CCDC18: variants seen among roughly 807,000 people sequenced by gnomAD.
CCDC18 encodes coiled-coil domain-containing protein 18.
CCDC18 carries 157 observed loss-of-function variants against 196.0 expected under a neutral mutation model. The ratio of observed to expected loss-of-function variants is 0.80; its 90% CI spans 0.70 to 0.91. The LOEUF (loss-of-function observed/expected upper bound fraction) is 0.91. Ranked by LOEUF, CCDC18 falls within the 40% of genes least tolerant of loss-of-function variation. CCDC18 has a pLI of 0.00. For synonymous variants in CCDC18, 482 were observed against 529.2 expected, an observed-to-expected ratio of 0.91 and a Z score of 1.22; for missense variants, 1,465 against 1,611.6, an observed-to-expected ratio of 0.91 and a Z score of 1.56.
chr1:93,214,659 T>C, intron 11 of CCDC18, 84 bp from the exon 12 acceptor site: 1 of 921,440 alleles, frequency 1.1e-6, no homozygotes, highest in Non-Finnish European at 1.7e-6. Flanking sequence ...CTAAACTTTG[T>C]TTATGACTAA....
At chr1:93,274,968 A>G (rs1163684211) in intron 28 of CCDC18, among the ~76,000 whole-genome samples, 3 of 152,184 alleles carry the variant, frequency 2.0e-5, no homozygotes, top group East Asian at 3.8e-4. Flanking sequence ...ACCACTGTCA[A>G]TACTCATAAC....
chr1:93,260,199 C>T (rs143256423), intron 26 of CCDC18, among the ~76,000 whole-genome samples: 3,776 of 152,220 alleles, frequency 0.025, 129 homozygotes, highest in African/African-American at 0.081. Flanking sequence ...GCCTGACCAA[C>T]ATGGCAAAAC....
intron 28 of CCDC18, among the ~76,000 whole-genome samples, chr1:93,272,763 G>A (rs1665384778): frequency 6.6e-6 from 1 of 152,204 alleles, no homozygotes; most frequent in Non-Finnish European, 1.5e-5. Context: ...AGAGAAATGA[G>A]GGAGATGTGA....
chr1:93,271,061 T>C, intron 28 of CCDC18: 1 of 983,454 alleles, frequency 1.0e-6, no homozygotes, highest in South Asian at 4.7e-5. Flanking sequence ...AATAGGAAGA[T>C]AGACATGAAA....
In CCDC18 at chr1:93,270,578, G is replaced by A. The variant is rs761981245; in HGVS notation, c.4117G>A (p.Glu1373Lys). The change falls in exon 28 of 29, where the codon GAA (glutamate) becomes AAA (lysine). Residue 1373 changes from glutamate to lysine, a missense_variant. By Grantham distance (56) the Glu-to-Lys change is moderately conservative. Transcript: ENST00000690025. Reference sequence around the variant, plus strand: ...TCATGGTGATGAAGATCTTTCTGAAGAATTACTACAGGACTTAAAGAAAAT... The same window carrying A: ...TCATGGTGATGAAGATCTTTCTGAAAAATTACTACAGGACTTAAAGAAAAT... ...KIHGDEDLSE[E>K]LLQDLKKMQL... 1.9e-6 allele frequency: 3 copies of A among 1,550,276 alleles called. No individual in the cohort carries two copies. The highest frequency in any genetic ancestry group is 1.4e-5 in the African/African-American group (1 of 73,030).
chr1:93,197,421 C>A (rs920773353), intron 6 of CCDC18, among the ~76,000 whole-genome samples: 1 of 151,962 alleles, frequency 6.6e-6, no homozygotes, highest in East Asian at 1.9e-4. Flanking sequence ...AAAGATGATA[C>A]ATTTGAAAAC....
intron 17 of CCDC18, 118 bp from the exon 18 acceptor site, chr1:93,232,308 G>A: frequency 1.6e-6 from 1 of 614,586 alleles, no homozygotes; most frequent in Non-Finnish European, 2.9e-6. Flanking sequence ...AGACATGAAT[G>A]CAATTGTCCC....
At chr1:93,258,664 C>A in intron 25 of CCDC18, 84 bp from the exon 26 acceptor site, 1 of 1,093,472 alleles carries the variant, frequency 9.1e-7, no homozygotes, top group Non-Finnish European at 1.2e-6. Context: ...AATTAAACTA[C>A]TTCCAATAAT....
chr1:93,251,220 A>T (rs982595168), intron 23 of CCDC18, among the ~76,000 whole-genome samples: 5 of 152,234 alleles, frequency 3.3e-5, no homozygotes, highest in African/African-American at 1.2e-4. Context: ...AAAAAAAAGT[A>T]AAAACTTGTA....
chr1:93,219,098 A>C (rs1456892428), intron 14 of CCDC18, among the ~76,000 whole-genome samples: 2 of 152,136 alleles, frequency 1.3e-5, no homozygotes, highest in Non-Finnish European at 2.9e-5. Context: ...ATATATACTC[A>C]ATATTTTCTG....
At chr1:93,189,585 C>T (rs973403532) in intron 4 of CCDC18, among the ~76,000 whole-genome samples, 1 of 152,200 alleles carries the variant, frequency 6.6e-6, no homozygotes, top group East Asian at 1.9e-4. Context: ...TCCATTCCCA[C>T]CAACAGCGTA....
chr1:93,251,755 T>C (rs1456520341), intron 23 of CCDC18, among the ~76,000 whole-genome samples: 1 of 152,134 alleles, frequency 6.6e-6, no homozygotes, highest in Non-Finnish European at 1.5e-5. Context: ...CTTAGGGTGT[T>C]ATTATTTGGG....
chr1:93,254,491 A>G lies in CCDC18; in HGVS notation c.3219A>G (p.Lys1073=). Residue 1073 remains lysine (K), a synonymous_variant, in exon 24 of 29, where the codon AAA becomes AAG. Transcript: ENST00000690025. Reference sequence around the variant, plus strand: ...TTCAGATAGAAAGTCTGAATGACAAATTACAAAATGCTAAAGAACAGCTTC... The same window carrying G: ...TTCAGATAGAAAGTCTGAATGACAAGTTACAAAATGCTAAAGAACAGCTTC... ...CNKQIESLND[K]LQNAKEQLRE... 3 of 1,587,546 alleles carry G rather than the reference A, an allele frequency of 1.9e-6. No individual in the cohort carries two copies. Among genetic ancestry groups the G allele is most frequent in the Non-Finnish European group, 1.7e-6 (2 of 1,165,170 alleles).
chr1:93,191,607 T>G lies in CCDC18; in HGVS notation c.463-393T>G, dbSNP rs1250096985. Reference sequence around the variant, plus strand: ...TTTTCTGTATTTAGATTCTTCCTAGTAAGCATGTATTCTATAATTAGGTTT... The same window carrying G: ...TTTTCTGTATTTAGATTCTTCCTAGGAAGCATGTATTCTATAATTAGGTTT... On this transcript the variant is annotated intron_variant, in intron 4 of 28. Transcript: ENST00000690025. 3.5e-4 allele frequency among the ~76,000 whole-genome samples: 54 copies of G among 152,230 alleles called. 1 individual carries two copies. The highest frequency in any genetic ancestry group is 1.6e-4 in the Non-Finnish European group (11 of 68,028).
chr1:93,235,794 G>A (rs1252301365), intron 18 of CCDC18, among the ~76,000 whole-genome samples: 2 of 152,034 alleles, frequency 1.3e-5, no homozygotes, highest in Non-Finnish European at 2.9e-5. Flanking sequence ...AAAGGAGGAA[G>A]AATACCTCCT....
rs915308144 is a variant in CCDC18, at chr1:93,265,179, C to T, written c.3885+278C>T. 2.0e-5 allele frequency among the ~76,000 whole-genome samples: 3 copies of T among 152,094 alleles called. No individual in the cohort carries two copies. The East Asian group carries it at 5.8e-4, about 29-fold the overall frequency. The stretch of plus-strand genomic sequence containing the variant: ...TGATGTACCTAAAAAAAGGTAGAAA[C>T]ATTTTTCAAAATCAGCAAAGTTCTT... On this transcript the variant is annotated intron_variant, in intron 27 of 28. Transcript: ENST00000690025.
At chr1:93,263,842 G>A (rs1664134818) in intron 26 of CCDC18, among the ~76,000 whole-genome samples, 1 of 152,110 alleles carries the variant, frequency 6.6e-6, no homozygotes, top group Non-Finnish European at 1.5e-5. Flanking sequence ...TATAAAAACT[G>A]TGAGTCAATT....
intron 12 of CCDC18, 90 bp from the exon 13 acceptor site, chr1:93,216,546 A>C (rs1398834111): frequency 3.4e-6 from 2 of 594,842 alleles, no homozygotes; most frequent in East Asian, 3.3e-5. Flanking sequence ...AATGTATTTG[A>C]ACTTTGAAAG....
intron 17 of CCDC18, among the ~76,000 whole-genome samples, chr1:93,226,820 C>T (rs1426722882): frequency 6.6e-6 from 1 of 152,064 alleles, no homozygotes; most frequent in Non-Finnish European, 1.5e-5. Context: ...AGGTGTGAGC[C>T]ACTGTGCCTG....
Sources: allele counts gnomAD v4.1 joint callset (sites outside exome capture counted in the v4.1 genomes callset), GRCh38; gene constraint gnomAD v4.1.1; transcripts MANE v1.5; gene names NCBI Gene and HGNC (gene_info 2026-07-23, HGNC 2026-07-21).